Variants in DLGAP1 observed in about 807,000 individuals in gnomAD.
DLGAP1 encodes DLG associated protein 1, also known as disks large-associated protein 1.
DLGAP1 carries 11 observed loss-of-function variants against 90.8 expected under a neutral mutation model. The observed-to-expected ratio is 0.12, with a 90% CI of 0.08 to 0.20. DLGAP1 has a LOEUF of 0.20. DLGAP1 is among the 10% of genes least tolerant of loss of function. DLGAP1 has a pLI of 1.00. For synonymous variants in DLGAP1, 558 were observed against 540.7 expected, an observed-to-expected ratio of 1.03 and a Z score of -0.44; for missense variants, 1,050 against 1,333.8, an observed-to-expected ratio of 0.79 and a Z score of 3.31.
chr18:3,972,305 A>C (rs891060918), intron 3 of DLGAP1, among the ~76,000 whole-genome samples: 10 of 152,282 alleles, frequency 6.6e-5, no homozygotes, highest in Non-Finnish European at 1.2e-4. Context: ...TGAAGCCCGG[A>C]GTTCGAGACC....
intron 1 of DLGAP1, among the ~76,000 whole-genome samples, chr18:4,377,818 T>C (rs779744004): frequency 7.9e-5 from 12 of 152,024 alleles, no homozygotes; most frequent in Non-Finnish European, 1.2e-4. Context: ...AGAAGACAAC[T>C]TGGCTGTATT....
chr18:4,205,911 A>T (rs2077711322), intron 1 of DLGAP1, among the ~76,000 whole-genome samples: 1 of 152,206 alleles, frequency 6.6e-6, no homozygotes. Context: ...TGTAGTGTGA[A>T]GGATGGGCGT....
chr18:4,065,309 G>A (rs1036056490), intron 2 of DLGAP1, among the ~76,000 whole-genome samples: 5 of 151,270 alleles, frequency 3.3e-5, no homozygotes, highest in Non-Finnish European at 7.4e-5. Context: ...ATTCAACGTA[G>A]TGTTCTGGCC....
intron 2 of DLGAP1, among the ~76,000 whole-genome samples, chr18:4,070,022 G>T (rs560853360): frequency 6.7e-6 from 1 of 150,180 alleles, no homozygotes; most frequent in Non-Finnish European, 1.5e-5. Flanking sequence ...TTGCTCTGTC[G>T]TCTAGGCTGG....
intron 3 of DLGAP1, 187 bp downstream of exon 3, chr18:4,004,907 GGTGTGTGTGTGTGTGTGTGTGT>G (rs3031739): frequency 6.8e-6 from 1 of 146,906 alleles, no homozygotes; most frequent in Non-Finnish European, 1.5e-5. Flanking sequence ...CAGAGGGAAG[GGTGTGTGTGTGTGTGTGTGTGT>G]GTGTGTGTGT....
intron 1 of DLGAP1, among the ~76,000 whole-genome samples, chr18:4,289,788 T>C (rs1283088698): frequency 6.6e-6 from 1 of 152,204 alleles, no homozygotes; most frequent in Non-Finnish European, 1.5e-5. Flanking sequence ...AAATCCCTCT[T>C]AGTCATTCCT....
At chr18:3,812,616 GT>G (rs924874989) in intron 5 of DLGAP1, among the ~76,000 whole-genome samples, 2 of 151,970 alleles carry the variant, frequency 1.3e-5, no homozygotes, top group Admixed American at 1.3e-4. Context: ...GAAGGAAGAG[GT>G]TTTTTTCTTG....
At chr18:3,559,029 G>C (rs1341522349) in intron 9 of DLGAP1, among the ~76,000 whole-genome samples, 1 of 152,140 alleles carries the variant, frequency 6.6e-6, no homozygotes, top group Admixed American at 6.6e-5. Flanking sequence ...ATAGCATTCT[G>C]GTCTTAGCAG....
intron 7 of DLGAP1, among the ~76,000 whole-genome samples, chr18:3,585,181 G>A (rs1054389197): frequency 6.6e-6 from 1 of 152,210 alleles, no homozygotes; most frequent in Non-Finnish European, 1.5e-5. Context: ...AGTCAGGAGC[G>A]AGCCAGCCAG....
intron 2 of DLGAP1, among the ~76,000 whole-genome samples, chr18:4,125,370 G>A (rs983614761): frequency 6.6e-6 from 1 of 152,210 alleles, no homozygotes; most frequent in Non-Finnish European, 1.5e-5. Flanking sequence ...ATGGATGCCT[G>A]AGCTGAGTCA....
chr18:3,852,940 A>T (rs2069426147), intron 4 of DLGAP1, among the ~76,000 whole-genome samples: 1 of 152,018 alleles, frequency 6.6e-6, no homozygotes. Flanking sequence ...AAGAAATTGC[A>T]TTTAAATTTT....
chr18:4,090,039 C>T (rs112754089), intron 2 of DLGAP1, among the ~76,000 whole-genome samples: 3,079 of 151,464 alleles, frequency 0.02, 95 homozygotes, highest in African/African-American at 0.07. Flanking sequence ...AGGGGGACTC[C>T]GTCTAAAAAA....
Position 3,858,547 on chromosome 18 carries a change from T to C in DLGAP1, c.957+20565A>G, listed in dbSNP as rs200611182. ...ATATATGCACACACACACACACACATATATATATATAAAACACCTGATTGC... is the reference window on the plus strand; with the variant it reads ...ATATATGCACACACACACACACACACATATATATATAAAACACCTGATTGC... On this transcript the variant is annotated intron_variant, in intron 4 of 12. Transcript: ENST00000315677. 1.1e-3 allele frequency among the ~76,000 whole-genome samples: 159 copies of C among 143,302 alleles called. 1 individual carries two copies. The highest frequency in any genetic ancestry group is 3.0e-3 in the East Asian group (15 of 5,056). 94.0% of individuals were successfully genotyped at this position (143,302 alleles called of 152,430 possible).
intron 1 of DLGAP1, among the ~76,000 whole-genome samples, chr18:4,344,530 CCT>C (rs1173832920): frequency 6.6e-6 from 1 of 152,146 alleles, no homozygotes; most frequent in African/African-American, 2.4e-5. Flanking sequence ...AAACTTATGT[CCT>C]CATAGAGAAA....
chr18:4,183,009 A>T (rs2077233732), intron 1 of DLGAP1, among the ~76,000 whole-genome samples: 1 of 152,182 alleles, frequency 6.6e-6, no homozygotes. Flanking sequence ...AATTATAAAC[A>T]TGTCCCTATT....
chr18:3,692,854 A>C (rs750777785), intron 7 of DLGAP1, among the ~76,000 whole-genome samples: 1 of 152,160 alleles, frequency 6.6e-6, no homozygotes, highest in Non-Finnish European at 1.5e-5. Flanking sequence ...AGAACTAGCA[A>C]ATGAGGTGGG....
In DLGAP1 at chr18:3,578,823, C is replaced by T. The variant is rs73940040; in HGVS notation, c.1965+3052G>A. Among the ~76,000 whole-genome samples, 939 of 152,146 alleles carry T rather than the reference C, an allele frequency of 6.2e-3. 13 individuals are homozygous for T. Among genetic ancestry groups the T allele is most frequent in the African/African-American group, 0.021 (875 of 41,512 alleles). Reference sequence around the variant, plus strand: ...GCAGAGATGATCCTAACACCTACGCCATAAGGTGGTTGGATGAGTCAAATG... The same window carrying T: ...GCAGAGATGATCCTAACACCTACGCTATAAGGTGGTTGGATGAGTCAAATG... On this transcript the variant is annotated intron_variant, in intron 8 of 12. Transcript: ENST00000315677.
intron 2 of DLGAP1, among the ~76,000 whole-genome samples, chr18:4,082,317 GGGCGACAGAACA>G (rs2075620245): frequency 1.4e-5 from 2 of 140,750 alleles, no homozygotes; most frequent in Admixed American, 1.5e-4. Flanking sequence ...ACTCCAGCCT[GGGCGACAGAACA>G]AGACTCCATC....
At chr18:4,105,766 C>T (rs2075848588) in intron 2 of DLGAP1, among the ~76,000 whole-genome samples, 1 of 151,982 alleles carries the variant, frequency 6.6e-6, no homozygotes, top group Non-Finnish European at 1.5e-5. Flanking sequence ...CGCGGTGGCT[C>T]ACGCCTGTAA....
Sources: allele counts gnomAD v4.1 joint callset (sites outside exome capture counted in the v4.1 genomes callset), GRCh38; gene constraint gnomAD v4.1.1; transcripts MANE v1.5; gene names NCBI Gene and HGNC (gene_info 2026-07-23, HGNC 2026-07-21).